MYB: variants seen among roughly 807,000 people sequenced by gnomAD.
The protein encoded by MYB is transcriptional activator Myb.
MYB carries 28 observed loss-of-function variants against 92.9 expected under a neutral mutation model. That is an observed-to-expected ratio of 0.30 (90% CI 0.22 to 0.41). The LOEUF (loss-of-function observed/expected upper bound fraction) is 0.41. Ranked by LOEUF, MYB falls within the 10% of genes least tolerant of loss-of-function variation. The pLI, the probability that MYB is intolerant of heterozygous loss-of-function variation, is 1.00. For synonymous variants in MYB, 295 were observed against 329.1 expected, an observed-to-expected ratio of 0.90 and a Z score of 1.12; for missense variants, 679 against 929.3, an observed-to-expected ratio of 0.73 and a Z score of 3.50.
intron 6 of MYB, among the ~76,000 whole-genome samples, chr6:135,193,544 A>G (rs184816902): frequency 8.3e-4 from 127 of 152,214 alleles, no homozygotes; most frequent in African/African-American, 2.7e-3. Flanking sequence ...ATTTTATAAT[A>G]TATTTTTTAT....
chr6:135,209,050 A>C (rs1779363799), intron 15 of MYB, among the ~76,000 whole-genome samples: 1 of 152,094 alleles, frequency 6.6e-6, no homozygotes. Context: ...GAGGAGCAGA[A>C]TTTTCAATTT....
Position 135,214,529 on chromosome 6 carries a change from G to A in MYB, c.2170-3335G>A, listed in dbSNP as rs1277292293. On this transcript the variant is annotated intron_variant, in intron 15 of 15. Transcript: ENST00000341911. ...TTTAAATTTACCTACAAGATATTAT[G>A]ATATTAAGATATTTCATTCTGCTTC... Among the ~76,000 whole-genome samples, 3 of 151,984 alleles carry A rather than the reference G, an allele frequency of 2.0e-5. No individual in the cohort carries two copies. The East Asian group carries it at 5.8e-4, about 29-fold the overall frequency.
At chr6:135,210,015 C>G (rs774300781) in intron 15 of MYB, among the ~76,000 whole-genome samples, 6 of 152,224 alleles carry the variant, frequency 3.9e-5, no homozygotes, top group Admixed American at 1.3e-4. Flanking sequence ...GGATTCTGCC[C>G]TTCAGTAGTT....
chr6:135,195,559 TA>T (rs1474052567), intron 8 of MYB, 188 bp from the exon 9 acceptor site: 2 of 627,950 alleles, frequency 3.2e-6, no homozygotes, highest in African/African-American at 1.8e-5. Flanking sequence ...CTAGCACTAT[TA>T]AAAACAGGGT....
intron 15 of MYB, 89 bp downstream of exon 15, chr6:135,203,413 T>C (rs1323379707): frequency 9.2e-7 from 1 of 1,085,070 alleles, no homozygotes; most frequent in East Asian, 2.4e-5. Flanking sequence ...GTGATGGTAG[T>C]GCTGGTGGTC....
chr6:135,203,660 A>G (rs947025177), intron 15 of MYB: 6 of 1,282,952 alleles, frequency 4.7e-6, no homozygotes, highest in Non-Finnish European at 6.4e-6. Flanking sequence ...ATAAAAATAT[A>G]TCAATATAGT....
rs1423366570 is a variant in MYB, at chr6:135,181,735, TC to T, written c.23+201del. Among the ~76,000 whole-genome samples, 5 of 152,214 alleles carry T rather than the reference TC, an allele frequency of 3.3e-5. No homozygotes were observed. In the East Asian group the frequency reaches 7.7e-4, roughly 23 times the overall value. On this transcript the variant is annotated intron_variant, in intron 1 of 15. Coordinates refer to ENST00000341911, the MANE Select transcript of MYB (RefSeq NM_001130173.2). The surrounding 1 kb of genome is among the most constrained non-coding windows in gnomAD (Gnocchi z 5.3). ...TGGAAGAGTCTTTGCGGGAAATGTA[TC>T]CGGACGTTGGGAAGCACGCCCTGCG...
chr6:135,208,146 T>C (rs1248036073), intron 15 of MYB, among the ~76,000 whole-genome samples: 4 of 142,808 alleles, frequency 2.8e-5, no homozygotes, highest in Admixed American at 7.0e-5. Context: ...TGGCATGATC[T>C]CGGCTCACTG....
At chr6:135,208,484 A>G (rs950228104) in intron 15 of MYB, among the ~76,000 whole-genome samples, 23 of 151,318 alleles carry the variant, frequency 1.5e-4, no homozygotes, top group African/African-American at 5.3e-4. Context: ...GACTCAAGCA[A>G]TCCTCCTCCC....
At chr6:135,188,707 AC>A (rs1343010714) in intron 3 of MYB, among the ~76,000 whole-genome samples, 1 of 151,808 alleles carries the variant, frequency 6.6e-6, no homozygotes, top group Non-Finnish European at 1.5e-5. Flanking sequence ...ACAAGGTTTC[AC>A]CATATTGATC....
At chr6:135,189,732 A>G in intron 3 of MYB, 59 bp from the exon 4 acceptor site, 1 of 1,458,182 alleles carries the variant, frequency 6.9e-7, no homozygotes, top group Non-Finnish European at 9.6e-7. Context: ...TATTACAACA[A>G]AAAATTCACG....
intron 13 of MYB, chr6:135,200,705 T>G (rs1777950382): frequency 2.7e-6 from 1 of 369,994 alleles, no homozygotes; most frequent in South Asian, 2.7e-5. Context: ...CATTACTGAT[T>G]ATATAAAGTT....
rs1780753820 is a variant in MYB, at chr6:135,218,870, G to A, written c.*890G>A. ...TTATTGTTGGTTTATACAAGCATGC[G>A]TTGCACTTCTTTTTTGGGAGATGTG... On this transcript the variant is annotated 3_prime_UTR_variant, in exon 16 of 16. Transcript: ENST00000341911. The A allele has an allele frequency of 2.2e-5, 5 of 227,806 alleles. No homozygotes were observed. Among genetic ancestry groups the A allele is most frequent in the East Asian group, 6.3e-5 (1 of 15,936 alleles). The allele number at this position is 227,806 out of a possible 1,614,324, so 14.1% of individuals were successfully genotyped here.
At chr6:135,209,603 A>T (rs1011767918) in intron 15 of MYB, among the ~76,000 whole-genome samples, 1 of 152,106 alleles carries the variant, frequency 6.6e-6, no homozygotes, top group Non-Finnish European at 1.5e-5. Flanking sequence ...CAGTGCTTAA[A>T]TAGAGGCTTT....
chr6:135,201,429 G>A (rs866094298), intron 13 of MYB, among the ~76,000 whole-genome samples: 9 of 152,190 alleles, frequency 5.9e-5, no homozygotes, highest in Non-Finnish European at 7.3e-5. Flanking sequence ...GAGCTTTACA[G>A]GGGCAGTAAA....
intron 15 of MYB, chr6:135,203,666 A>G (rs908585709): frequency 4.8e-5 from 63 of 1,317,952 alleles, no homozygotes; most frequent in African/African-American, 3.2e-4. Flanking sequence ...ATATATCAAT[A>G]TAGTTTACTT....
rs761236669 is a variant in MYB, at chr6:135,197,201, A to G, written c.1444A>G (p.Lys482Glu). The change falls in exon 10 of 16, where the codon AAA becomes GAA. Residue 482 changes from lysine to glutamate, a missense_variant. By Grantham distance (56) the Lys-to-Glu change is moderately conservative (BLOSUM62 1). This residue lies in a region of MYB where 402 missense variants were observed against 434.2 expected (regional missense o/e 0.93). Coordinates refer to ENST00000341911, the MANE Select transcript of MYB (RefSeq NM_001130173.2). ...CACAATTCCACTGGTCATCCTTCGA[A>G]AAAAACGGGGCCAGGCCAGCCCCTT... ...HSTIPLVILR[K>E]KRGQASPLAT... 8.1e-6 allele frequency: 13 copies of G among 1,613,846 alleles called. No homozygotes were observed. Among genetic ancestry groups the G allele is most frequent in the South Asian group, 2.2e-5 (2 of 91,074 alleles).
Position 135,182,522 on chromosome 6 carries a change from C to T in MYB, c.23+986C>T, listed in dbSNP as rs1221585401. ...AACCGGGACGCGATCCCCGCGGGCT[C>T]TGCCCCCAGGCGAAAGGTCCCTGCG... On this transcript the variant is annotated intron_variant, in intron 1 of 15. Coordinates refer to ENST00000341911, the MANE Select transcript of MYB (RefSeq NM_001130173.2). The surrounding 1 kb of genome is among the most constrained non-coding windows in gnomAD (Gnocchi z 5.6). Among the ~76,000 whole-genome samples the T allele has an allele frequency of 6.6e-6, 1 of 152,162 alleles. No individual in the cohort carries two copies. The highest frequency in any genetic ancestry group is 2.1e-4 in the South Asian group (1 of 4,834).
intron 2 of MYB, among the ~76,000 whole-genome samples, chr6:135,186,930 A>C (rs1303031582): frequency 6.6e-6 from 1 of 152,162 alleles, no homozygotes; most frequent in Non-Finnish European, 1.5e-5. Context: ...TTTAAACCAG[A>C]GCTCCTTTTA....
Sources: gnomAD v4.1 joint callset for allele counts (sites outside exome capture counted in the v4.1 genomes callset) on GRCh38, gnomAD v4.1.1 for gene constraint, gnomAD v4.1.1 regional missense constraint, Gnocchi (gnomAD v3.1) non-coding constraint, MANE v1.5 for transcripts, NCBI Gene and HGNC (gene_info 2026-07-23, HGNC 2026-07-21) for gene names.